The following COL6A5 variants were observed in gnomAD, a reference collection of about 807,000 sequenced individuals.
COL6A5 encodes collagen type VI alpha 5 chain.
A neutral mutation model predicts 65.6 loss-of-function variants in COL6A5; 48 were observed. That is an observed-to-expected ratio of 0.73 (90% CI 0.58 to 0.93). COL6A5 has a LOEUF of 0.93. COL6A5 is among the 40% of genes least tolerant of loss of function. The pLI is 0.00. For synonymous variants in COL6A5, 291 were observed against 322.8 expected, an observed-to-expected ratio of 0.90 and a Z score of 1.05; for missense variants, 914 against 928.3, an observed-to-expected ratio of 0.98 and a Z score of 0.20.
chr3:130,417,635 C>G (rs1472280362), intron 24 of COL6A5, among the ~76,000 whole-genome samples: 1 of 151,216 alleles, frequency 6.6e-6, no homozygotes, highest in African/African-American at 2.4e-5. Context: ...ACGACTATCT[C>G]TGAGATGGCT....
intron 20 of COL6A5, 91 bp from the exon 21 acceptor site, chr3:130,413,454 T>A: frequency 8.4e-7 from 1 of 1,196,988 alleles, no homozygotes; most frequent in Non-Finnish European, 1.2e-6. Context: ...TCATTACTTA[T>A]GTCTAGCAGA....
At chr3:130,413,625 G>A (rs1937247770) in intron 21 of COL6A5, 45 bp downstream of exon 21, 1 of 1,532,448 alleles carries the variant, frequency 6.5e-7, no homozygotes. Flanking sequence ...ATGGGACCAA[G>A]GAGGTTTCTC....
rs934349775 is a variant in COL6A5 at position 130,471,064 on chromosome 3, G to A, written c.2328+97G>A. On this transcript the variant is annotated intron_variant, in intron 7 of 7. Coordinates refer to ENST00000512836, the Ensembl canonical transcript of COL6A5. ...TAGCATTTTAGTTTTCAAGATCCAA[G>A]TGTGTGTTTTTGTGTGTGTGTGTGT... The A allele has an allele frequency of 2.6e-4, 226 of 864,082 alleles. 2 individuals are homozygous for A. Among genetic ancestry groups the A allele is most frequent in the Non-Finnish European group, 1.0e-4 (56 of 540,572 alleles). 53.5% of individuals were successfully genotyped at this position (864,082 alleles called of 1,614,324 possible).
At chr3:130,394,419 T>C (rs568645550) in intron 7 of COL6A5, among the ~76,000 whole-genome samples, 21 of 152,306 alleles carry the variant, frequency 1.4e-4, no homozygotes, top group African/African-American at 5.1e-4. Context: ...ATTAATGTTG[T>C]TAGTGTATGC....
At chr3:130,464,567 CA>C (rs1709772251) in intron 5 of COL6A5, among the ~76,000 whole-genome samples, 1 of 152,048 alleles carries the variant, frequency 6.6e-6, no homozygotes, top group African/African-American at 2.4e-5. Flanking sequence ...AAAAGGATCA[CA>C]AACTCCAAAA....
chr3:130,440,875 T>C, intron 3 of COL6A5, 50 bp downstream of exon 35: 2 of 1,360,208 alleles, frequency 1.5e-6, no homozygotes, highest in South Asian at 2.6e-5. Context: ...CTAGTGTTTG[T>C]TAATACAGTA....
intron 9 of COL6A5, 31 bp from the exon 10 acceptor site, chr3:130,397,999 T>C (rs1398389396): frequency 1.4e-5 from 22 of 1,546,882 alleles, no homozygotes; most frequent in Non-Finnish European, 1.7e-5. Flanking sequence ...ATATTTAGCT[T>C]TTACACCATA....
At chr3:130,351,024 C>T (rs942156985) in intron 1 of COL6A5, among the ~76,000 whole-genome samples, 17 of 152,192 alleles carry the variant, frequency 1.1e-4, no homozygotes, top group Non-Finnish European at 2.1e-4. Flanking sequence ...CGACAACCAT[C>T]TGATCTTTGA....
chr3:130,452,622 A>G (rs1459202108), intron 4 of COL6A5, among the ~76,000 whole-genome samples: 1 of 152,194 alleles, frequency 6.6e-6, no homozygotes, highest in Non-Finnish European at 1.5e-5. Context: ...GCAGGGCGAG[A>G]TCACAGGACC....
At chr3:130,444,427 G>A (rs1709260456) in intron 4 of COL6A5, among the ~76,000 whole-genome samples, 1 of 152,128 alleles carries the variant, frequency 6.6e-6, no homozygotes, top group Non-Finnish European at 1.5e-5. Context: ...TTGCAGTAAA[G>A]ACAGGCATGA....
Position 130,431,473 on chromosome 3 carries a change from C to G in COL6A5, c.13C>G (p.Pro5Ala), listed in dbSNP as rs746340216. ...GCTTTTCTTTTTTCTAGAAAAATGTCCAGCATATCCAACAGAGCTAGTATT... is the reference window on the plus strand; with the variant it reads ...GCTTTTCTTTTTTCTAGAAAAATGTGCAGCATATCCAACAGAGCTAGTATT... Residue 5 changes from proline to alanine, a missense_variant, in exon 1 of 8, where the codon CCA becomes GCA. Physicochemically the swap from Pro to Ala is conservative, Grantham distance 27 (BLOSUM62 -1). Coordinates refer to ENST00000512836, the Ensembl canonical transcript of COL6A5. The G allele has an allele frequency of 3.4e-5, 52 of 1,548,596 alleles. No homozygotes were observed. In the Middle Eastern group the frequency reaches 5.0e-4, roughly 15 times the overall value.
intron 1 of COL6A5, among the ~76,000 whole-genome samples, chr3:130,434,439 TG>T (rs1404625146): frequency 5.3e-5 from 8 of 152,256 alleles, no homozygotes; most frequent in Non-Finnish European, 1.0e-4. Context: ...TATATGCCTT[TG>T]GATATACACC....
At chr3:130,421,488 CTT>C in intron 27 of COL6A5, 128 bp downstream of exon 27, 3 of 834,394 alleles carry the variant, frequency 3.6e-6, no homozygotes, top group Non-Finnish European at 5.8e-6. Context: ...TTTCCTTGGG[CTT>C]CCTGAGGAAA....
At chr3:130,465,855 A>G (rs1267293188) in intron 5 of COL6A5, among the ~76,000 whole-genome samples, 1 of 152,050 alleles carries the variant, frequency 6.6e-6, no homozygotes, top group Non-Finnish European at 1.5e-5. Flanking sequence ...AGATATAAAA[A>G]GAAGATTCCA....
intron 4 of COL6A5, among the ~76,000 whole-genome samples, chr3:130,383,581 A>T (rs899246656): frequency 6.6e-6 from 1 of 152,024 alleles, no homozygotes; most frequent in Non-Finnish European, 1.5e-5. Context: ...TATTGATTTT[A>T]TAGTTCATTT....
chr3:130,384,610 T>C (rs1936114528), intron 4 of COL6A5, among the ~76,000 whole-genome samples, 194 bp from the exon 5 acceptor site: 1 of 152,102 alleles, frequency 6.6e-6, no homozygotes, highest in South Asian at 2.1e-4. Context: ...TTGCCCTGTT[T>C]CAATTTTCTC....
intron 4 of COL6A5, among the ~76,000 whole-genome samples, chr3:130,453,912 A>C (rs1238156342): frequency 1.3e-5 from 2 of 152,176 alleles, no homozygotes; most frequent in African/African-American, 2.4e-5. Context: ...GTAATTTTAC[A>C]GGGAAGCGTC....
intron 7 of COL6A5, among the ~76,000 whole-genome samples, chr3:130,482,171 G>C (rs529156619): frequency 3.3e-5 from 5 of 152,170 alleles, no homozygotes; most frequent in Admixed American, 2.0e-4. Flanking sequence ...GGGTTTTTCT[G>C]GTTTTAGGTC....
chr3:130,472,859 A>ATATG (rs71158196), intron 7 of COL6A5, among the ~76,000 whole-genome samples: 1 of 139,866 alleles, frequency 7.1e-6, no homozygotes, highest in Non-Finnish European at 1.6e-5. Context: ...ATATATATAT[A>ATATG]CACATTTATA....
Sources: allele counts gnomAD v4.1 joint callset (sites outside exome capture counted in the v4.1 genomes callset), GRCh38; gene constraint gnomAD v4.1.1; transcripts MANE v1.5; gene names NCBI Gene and HGNC (gene_info 2026-07-23, HGNC 2026-07-21).